The following CAPZB variants were observed in gnomAD, a reference collection of about 807,000 sequenced individuals.
The protein encoded by CAPZB is capping actin protein of muscle Z-line subunit beta.
Under a neutral mutation model 38.1 loss-of-function variants are expected in CAPZB, and 2 were observed. The ratio of observed to expected loss-of-function variants is 0.05; its 90% CI spans 0.02 to 0.17. The LOEUF (loss-of-function observed/expected upper bound fraction) is 0.17, where lower values mean the gene tolerates loss of function less well. CAPZB is among the 10% of genes least tolerant of loss of function. The pLI, the probability that CAPZB is intolerant of heterozygous loss-of-function variation, is 1.00. For missense variants in CAPZB, 161 were observed against 334.2 expected (o/e 0.48, Z 4.04); for synonymous variants, 107 against 127.4 (o/e 0.84, Z 1.08).
Position 19,420,108 on chromosome 1 carries a change from T to C in CAPZB, c.4-358A>G, listed in dbSNP as rs2100510749. 1.6e-5 allele frequency: 3 copies of C among 192,306 alleles called. No homozygotes were observed. The South Asian group carries it at 3.9e-4, about 25-fold the overall frequency. 11.9% of individuals were successfully genotyped at this position (192,306 alleles called of 1,614,324 possible). ...TGGTTCCATGGTGAACACACTCCAG[T>C]AGCGGATTACTTTTGCCCTTTGTTG... On this transcript the variant is annotated intron_variant, in intron 1 of 8. Coordinates refer to ENST00000264202, the MANE Select transcript of CAPZB (RefSeq NM_004930.5).
intron 2 of CAPZB, among the ~76,000 whole-genome samples, chr1:19,415,710 T>C (rs2094375978): frequency 6.6e-6 from 1 of 152,016 alleles, no homozygotes; most frequent in African/African-American, 2.4e-5. Context: ...GTCAATATAG[T>C]TTTTTTTCAG....
intron 1 of CAPZB, among the ~76,000 whole-genome samples, chr1:19,460,130 G>A (rs2094546105): frequency 1.3e-5 from 2 of 152,208 alleles, no homozygotes; most frequent in South Asian, 2.1e-4. Flanking sequence ...CCTTCTATCT[G>A]TAAAATTGTG....
chr1:19,377,284 C>T (rs986430198), intron 4 of CAPZB, among the ~76,000 whole-genome samples: 6 of 152,154 alleles, frequency 3.9e-5, no homozygotes, highest in Non-Finnish European at 7.4e-5. Context: ...AAGACTGAAG[C>T]CTATTTTAAC....
intron 1 of CAPZB, among the ~76,000 whole-genome samples, chr1:19,425,633 G>A (rs2094419640): frequency 6.6e-6 from 1 of 152,098 alleles, no homozygotes; most frequent in South Asian, 2.1e-4. Flanking sequence ...TAAAGAAAAA[G>A]CATAAAATTG....
chr1:19,424,125 T>C (rs1482206071), intron 1 of CAPZB, among the ~76,000 whole-genome samples: 2 of 152,190 alleles, frequency 1.3e-5, no homozygotes, highest in Non-Finnish European at 2.9e-5. Context: ...AACACTCTTA[T>C]TATTTAGACA....
At chr1:19,437,703 C>A (rs903566158) in intron 1 of CAPZB, among the ~76,000 whole-genome samples, 11 of 152,268 alleles carry the variant, frequency 7.2e-5, no homozygotes, top group Non-Finnish European at 1.2e-4. Context: ...CCCCTTGCTC[C>A]CGCCAGCCCA....
chr1:19,341,551 C>T (rs573360158), intron 8 of CAPZB, among the ~76,000 whole-genome samples: 10 of 152,292 alleles, frequency 6.6e-5, no homozygotes, highest in South Asian at 2.1e-4. Context: ...GGGAAGGTCA[C>T]GGCCAAGCAA....
intron 6 of CAPZB, among the ~76,000 whole-genome samples, chr1:19,346,289 G>C (rs2093959956): frequency 6.6e-6 from 1 of 152,048 alleles, no homozygotes; most frequent in Non-Finnish European, 1.5e-5. Flanking sequence ...AACAGCATCA[G>C]AAAGGGTAGA....
At chr1:19,482,991 C>T (rs1278402954) in intron 1 of CAPZB, among the ~76,000 whole-genome samples, 1 of 152,214 alleles carries the variant, frequency 6.6e-6, no homozygotes, top group Non-Finnish European at 1.5e-5. Context: ...TTCATGGACA[C>T]AGACACATGC....
At chr1:19,364,997 C>T (rs1299790981) in intron 4 of CAPZB, among the ~76,000 whole-genome samples, 1 of 152,074 alleles carries the variant, frequency 6.6e-6, no homozygotes, top group Admixed American at 6.6e-5. Context: ...CAGGTGCATG[C>T]CACCACACCT....
intron 1 of CAPZB, among the ~76,000 whole-genome samples, chr1:19,422,943 G>T (rs2094407353): frequency 6.6e-6 from 1 of 152,202 alleles, no homozygotes. Context: ...TCTAGGAAAA[G>T]ACCTAAGTTG....
At chr1:19,379,094 TTC>T (rs1491435895) in intron 3 of CAPZB, among the ~76,000 whole-genome samples, 1 of 125,048 alleles carries the variant, frequency 8.0e-6, no homozygotes, top group Non-Finnish European at 1.7e-5. Context: ...CTATTTTTTT[TTC>T]TTTCTTTTTT....
chr1:19,423,292 T>G (rs533875044), intron 1 of CAPZB, among the ~76,000 whole-genome samples: 1 of 152,128 alleles, frequency 6.6e-6, no homozygotes, highest in Non-Finnish European at 1.5e-5. Flanking sequence ...AAATTAGAGT[T>G]AACTGGAGCC....
chr1:19,476,061 C>T (rs2094605391), intron 1 of CAPZB, among the ~76,000 whole-genome samples: 1 of 152,094 alleles, frequency 6.6e-6, no homozygotes, highest in East Asian at 1.9e-4. Context: ...GGTGGCTTCA[C>T]GCCCATAATC....
chr1:19,379,893 A>C (rs2094164734), intron 3 of CAPZB, among the ~76,000 whole-genome samples: 1 of 152,120 alleles, frequency 6.6e-6, no homozygotes, highest in Admixed American at 6.5e-5. Flanking sequence ...AATTCAGAAA[A>C]AGTCCTTCAC....
At position 19,339,386 on chromosome 1, in the gene CAPZB, A is replaced by G. The variant is rs1569838279; in HGVS notation, c.*144T>C. On this transcript the variant is annotated 3_prime_UTR_variant, in exon 9 of 9. Transcript: ENST00000264202. ...GTGGCTATCGGCTTTATTCTCAGGG[A>G]GAGATGGCGCTGTGCGGTCAATGAT... The G allele has an allele frequency of 4.0e-5, 28 of 706,786 alleles. No homozygotes were observed. In the South Asian group the frequency reaches 4.6e-4, roughly 12 times the overall value. The allele number at this position is 706,786 out of a possible 1,614,324, so 43.8% of individuals were successfully genotyped here. A position where few individuals can be genotyped will look rare whatever the true frequency, so the allele number is the denominator to read the frequency against.
chr1:19,386,803 AT>A (rs1232025609), intron 2 of CAPZB, among the ~76,000 whole-genome samples: 14 of 152,294 alleles, frequency 9.2e-5, no homozygotes, highest in Middle Eastern at 3.4e-3. Flanking sequence ...ACTCACAGAA[AT>A]TCTGGCCTTG....
Position 19,434,033 on chromosome 1 carries a change from C to T in CAPZB, c.4-14283G>A, listed in dbSNP as rs146539360. On this transcript the variant is annotated intron_variant, in intron 1 of 8. Coordinates refer to ENST00000264202, the MANE Select transcript of CAPZB (RefSeq NM_004930.5). ...AATGTACAATGCAACACTCTACCCA[C>T]CCATGATACCTTTGCAAACTTAACC... 1.8e-3 allele frequency among the ~76,000 whole-genome samples: 267 copies of T among 152,332 alleles called. 3 individuals are homozygous for T. Among genetic ancestry groups the T allele is most frequent in the African/African-American group, 6.1e-3 (255 of 41,566 alleles).
rs141238016 is a variant in CAPZB at position 19,375,427 on chromosome 1, TG to T, written c.329+3112del. 6.4e-3 allele frequency among the ~76,000 whole-genome samples: 972 copies of T among 152,190 alleles called. 11 individuals carry two copies. Among genetic ancestry groups the T allele is most frequent in the African/African-American group, 0.022 (906 of 41,524 alleles). ...AGGAAGAGCCTGGCCCCACTGCCCC[TG>T]CACATGCAAGGTAAGGAAGGGCCTC... On this transcript the variant is annotated intron_variant, in intron 4 of 8. Transcript: ENST00000264202.
Sources: allele counts gnomAD v4.1 joint callset (sites outside exome capture counted in the v4.1 genomes callset), GRCh38; gene constraint gnomAD v4.1.1; transcripts MANE v1.5; gene names NCBI Gene and HGNC (gene_info 2026-07-23, HGNC 2026-07-21).